CDC14B: variants seen among roughly 807,000 people sequenced by gnomAD.
CDC14B encodes dual specificity protein phosphatase CDC14B.
CDC14B carries 22 observed loss-of-function variants against 64.2 expected under a neutral mutation model. The ratio of observed to expected loss-of-function variants is 0.34; its 90% confidence interval spans 0.24 to 0.49. CDC14B has a LOEUF of 0.49. Among genes scored for constraint, CDC14B ranks in the 20% least tolerant of loss-of-function variants. The pLI is 0.99. For missense variants in CDC14B, 498 were observed against 629.9 expected, an observed-to-expected ratio of 0.79 and a Z score of 2.24; for synonymous variants, 191 against 215.8, an observed-to-expected ratio of 0.89 and a Z score of 1.01.
At chr9:96,506,557 A>G (rs751574591) in intron 13 of CDC14B, among the ~76,000 whole-genome samples, 11 of 152,214 alleles carry the variant, frequency 7.2e-5, no homozygotes, top group Non-Finnish European at 1.6e-4. Flanking sequence ...GTTAATCCTC[A>G]CTGTTAGACT....
chr9:96,608,464 C>T (rs565481750), intron 1 of CDC14B, among the ~76,000 whole-genome samples: 12 of 152,202 alleles, frequency 7.9e-5, no homozygotes, highest in African/African-American at 2.6e-4. Flanking sequence ...GAGAACAACT[C>T]CCCAAAATTT....
At chr9:96,524,003 C>G (rs1438122946) in intron 9 of CDC14B, among the ~76,000 whole-genome samples, 2 of 152,222 alleles carry the variant, frequency 1.3e-5, no homozygotes, top group Non-Finnish European at 2.9e-5. Context: ...ATGATGCAAT[C>G]TCAGCTCACT....
chr9:96,525,756 TG>T (rs56330891), intron 9 of CDC14B, among the ~76,000 whole-genome samples: 4,434 of 152,332 alleles, frequency 0.029, 83 homozygotes, highest in Non-Finnish European at 0.046. Context: ...TGCCTCAGGA[TG>T]GATCATACCT....
At chr9:96,519,730 TAAAAAAAAAA>T (rs59101582) in intron 12 of CDC14B, among the ~76,000 whole-genome samples, 1 of 111,368 alleles carries the variant, frequency 9.0e-6, no homozygotes, top group South Asian at 3.0e-4. Flanking sequence ...GACTCTGTCT[TAAAAAAAAAA>T]AAAAAAAAAA....
chr9:96,578,306 T>C (rs1844927762), intron 1 of CDC14B, among the ~76,000 whole-genome samples: 1 of 152,068 alleles, frequency 6.6e-6, no homozygotes, highest in African/African-American at 2.4e-5. Flanking sequence ...ATGTAGCTAC[T>C]TCTCTCCAAG....
At chr9:96,599,762 G>T (rs564663239) in intron 1 of CDC14B, among the ~76,000 whole-genome samples, 19 of 151,002 alleles carry the variant, frequency 1.3e-4, no homozygotes, top group African/African-American at 4.6e-4. Flanking sequence ...TTTTTGAGAC[G>T]GATTCTCACT....
At chr9:96,613,043 G>A (rs1847416708) in intron 1 of CDC14B, among the ~76,000 whole-genome samples, 1 of 152,218 alleles carries the variant, frequency 6.6e-6, no homozygotes, top group Non-Finnish European at 1.5e-5. Flanking sequence ...AATCATTTAT[G>A]TACAACTCTG....
At chr9:96,497,853 A>G (rs1833319790), downstream of CDC14B, among the ~76,000 whole-genome samples, 1 of 152,096 alleles carries the variant, frequency 6.6e-6, no homozygotes, top group Admixed American at 6.5e-5. Context: ...CTTAGCCCAA[A>G]TCTAAGCTAA....
intron 4 of CDC14B, chr9:96,562,491 T>A: frequency 2.0e-6 from 1 of 500,506 alleles, no homozygotes. Flanking sequence ...CAAAATTAAG[T>A]GGAAGGTACA....
At chr9:96,581,856 G>A (rs1845179423) in intron 1 of CDC14B, among the ~76,000 whole-genome samples, 1 of 152,198 alleles carries the variant, frequency 6.6e-6, no homozygotes, top group Non-Finnish European at 1.5e-5. Context: ...TCCCAGCACA[G>A]ATATAAGGTT....
chr9:96,554,971 T>C (rs893125823), intron 4 of CDC14B, among the ~76,000 whole-genome samples: 2 of 152,246 alleles, frequency 1.3e-5, no homozygotes, highest in Admixed American at 1.3e-4. Flanking sequence ...ACTTGGCGTT[T>C]CTCAAATTCT....
chr9:96,543,176 A>T (rs1019509813), intron 5 of CDC14B, among the ~76,000 whole-genome samples: 7 of 152,044 alleles, frequency 4.6e-5, no homozygotes, highest in Non-Finnish European at 1.0e-4. Flanking sequence ...CTCTACTAAA[A>T]ATACGAAAAA....
chr9:96,595,194 G>A (rs1846002857), intron 1 of CDC14B, among the ~76,000 whole-genome samples: 1 of 152,206 alleles, frequency 6.6e-6, no homozygotes, highest in South Asian at 2.1e-4. Context: ...ATTGGTCCAG[G>A]TCTGCCTAAC....
chr9:96,564,705 G>T, intron 3 of CDC14B, 72 bp downstream of exon 3: 1 of 843,796 alleles, frequency 1.2e-6, no homozygotes. Context: ...TTTAAAAAGA[G>T]ATGTTTTCCT....
intron 1 of CDC14B, among the ~76,000 whole-genome samples, chr9:96,616,501 G>A (rs560097452): frequency 3.3e-5 from 5 of 151,998 alleles, no homozygotes; most frequent in African/African-American, 7.3e-5. Context: ...CAAGGCGGGC[G>A]GATCACAAGG....
intron 4 of CDC14B, among the ~76,000 whole-genome samples, chr9:96,556,712 T>C (rs1007813640): frequency 1.3e-5 from 2 of 152,118 alleles, no homozygotes; most frequent in African/African-American, 4.8e-5. Context: ...TGGGAATTAG[T>C]ACACATTTGA....
intron 12 of CDC14B, among the ~76,000 whole-genome samples, chr9:96,521,678 T>C (rs1216379779): frequency 6.6e-6 from 1 of 152,206 alleles, no homozygotes; most frequent in African/African-American, 2.4e-5. Context: ...TGGTATATTA[T>C]ATCATACTTC....
chr9:96,540,617 C>A (rs1242999754), intron 6 of CDC14B, among the ~76,000 whole-genome samples: 1 of 151,156 alleles, frequency 6.6e-6, no homozygotes, highest in Non-Finnish European at 1.5e-5. Context: ...AAAAAAAAAG[C>A]CAAAAAATAA....
chr9:96,495,040 T>C (rs967680277), intron 13 of CDC14B, among the ~76,000 whole-genome samples: 31 of 151,784 alleles, frequency 2.0e-4, no homozygotes, highest in Non-Finnish European at 4.3e-4. Flanking sequence ...TTCACCGTGT[T>C]AGCCAGGATG....
Sources: gnomAD v4.1 joint callset for allele counts (sites outside exome capture counted in the v4.1 genomes callset) on GRCh38, gnomAD v4.1.1 for gene constraint, MANE v1.5 for transcripts, NCBI Gene and HGNC (gene_info 2026-07-23, HGNC 2026-07-21) for gene names.